Variants in FRMPD4 observed in about 807,000 individuals in gnomAD.
The protein encoded by FRMPD4 is FERM and PDZ domain containing 4.
Under a neutral mutation model 94.1 loss-of-function variants are expected in FRMPD4, and 22 were observed. The ratio of observed to expected loss-of-function variants is 0.23; its 90% CI spans 0.17 to 0.33. The LOEUF (loss-of-function observed/expected upper bound fraction) is 0.33. Among genes scored for constraint, FRMPD4 ranks in the 10% least tolerant of loss-of-function variants. The pLI is 1.00. For synonymous variants in FRMPD4, 631 were observed against 548.6 expected, an observed-to-expected ratio of 1.15 and a Z score of -2.10; for missense variants, 1,111 against 1,339.9, an observed-to-expected ratio of 0.83 and a Z score of 2.67.
At chrX:12,399,871 A>T (rs1337262391) in intron 1 of FRMPD4, among the ~76,000 whole-genome samples, 4 of 111,628 alleles carry the variant, frequency 3.6e-5, no homozygotes, top group Non-Finnish European at 7.5e-5. Flanking sequence ...ATGCTATAAC[A>T]TTACACTTTA....
intron 1 of FRMPD4, among the ~76,000 whole-genome samples, chrX:12,322,650 G>T (rs141993155): frequency 0.013 from 1,435 of 111,017 alleles, 21 homozygotes; most frequent in African/African-American, 0.045. Flanking sequence ...AACCTGTGCT[G>T]CTCTGTAAGG....
chrX:11,894,556 A>G (rs1473843062), intron 3 of FRMPD4, among the ~76,000 whole-genome samples: 2 of 112,403 alleles, frequency 1.8e-5, no homozygotes, highest in Non-Finnish European at 3.8e-5. Flanking sequence ...ATAGAAACCC[A>G]GTGCCCAGGG....
chrX:12,592,856 G>T (rs924782377), intron 2 of FRMPD4, among the ~76,000 whole-genome samples: 2 of 112,091 alleles, frequency 1.8e-5, no homozygotes, highest in African/African-American at 6.5e-5. Flanking sequence ...AGGGATTTTT[G>T]TTGTTTTTCT....
At chrX:11,952,499 A>G (rs1269473396) in intron 3 of FRMPD4, among the ~76,000 whole-genome samples, 2 of 112,014 alleles carry the variant, frequency 1.8e-5, no homozygotes, top group South Asian at 3.7e-4. Flanking sequence ...CCAGAGCCCA[A>G]TTGTAATCTG....
chrX:12,323,313 G>T (rs936752395), intron 1 of FRMPD4, among the ~76,000 whole-genome samples: 1 of 112,376 alleles, frequency 8.9e-6, no homozygotes, highest in Non-Finnish European at 1.9e-5. Flanking sequence ...GGGGCTGGAA[G>T]AATACCCTGT....
chrX:12,657,071 A>G (rs1261589129), intron 4 of FRMPD4, among the ~76,000 whole-genome samples: 1 of 102,562 alleles, frequency 9.8e-6, no homozygotes, highest in Non-Finnish European at 2.0e-5. Flanking sequence ...GGGCAACAAG[A>G]ACAAAACTCC....
At chrX:12,027,904 T>C (rs2054669574) in intron 3 of FRMPD4, among the ~76,000 whole-genome samples, 1 of 112,508 alleles carries the variant, frequency 8.9e-6, no homozygotes, top group East Asian at 2.8e-4. Context: ...TCCTATAAGA[T>C]GGAAGAAGCA....
intron 1 of FRMPD4, among the ~76,000 whole-genome samples, chrX:12,199,451 A>ACTAC (rs755751866): frequency 2.7e-5 from 3 of 111,192 alleles, no homozygotes; most frequent in Non-Finnish European, 3.8e-5. Context: ...AGTTAAGTTC[A>ACTAC]CTACCTTACT....
intron 5 of FRMPD4, among the ~76,000 whole-genome samples, chrX:12,678,135 C>G (rs1734169409): frequency 8.9e-6 from 1 of 111,971 alleles, no homozygotes; most frequent in Non-Finnish European, 1.9e-5. Context: ...ATAAACATTT[C>G]CTATGTCATC....
rs772320860 is a variant in FRMPD4 at position 12,609,789 on chromosome X, C to T, written c.227C>T (p.Pro76Leu). The T allele has an allele frequency of 2.5e-6, 3 of 1,209,053 alleles. No homozygotes were observed. The South Asian group carries it at 5.3e-5, about 21-fold the overall frequency. The change falls in exon 3 of 17, where the codon CCT becomes CTT. Residue 76 changes from proline to leucine, a missense_variant. Physicochemically the swap from Pro to Leu is moderately conservative, Grantham distance 98. Transcript: ENST00000675598. The part of the protein sequence containing the change: ...LESCQIIPPA[P>L]RKVEMRRDPV... ...AGCTGCCAAATCATCCCTCCGGCTC[C>T]TCGGAAGGTGGAGATGAGAAGGGAC... is the stretch of plus-strand genomic sequence containing the variant.
chrX:12,681,155 G>C (rs1209684400), intron 5 of FRMPD4, among the ~76,000 whole-genome samples: 1 of 111,911 alleles, frequency 8.9e-6, no homozygotes, highest in East Asian at 2.8e-4. Context: ...AGTGAGGTGT[G>C]ACTGCATTAA....
At chrX:12,304,099 T>A (rs188167720) in intron 1 of FRMPD4, among the ~76,000 whole-genome samples, 18 of 111,558 alleles carry the variant, frequency 1.6e-4, no homozygotes, top group Non-Finnish European at 3.0e-4. Flanking sequence ...GAATATGACA[T>A]GATTGATTTA....
intron 2 of FRMPD4, among the ~76,000 whole-genome samples, chrX:12,589,341 C>T (rs1209241702): frequency 9.0e-6 from 1 of 111,646 alleles, no homozygotes; most frequent in Non-Finnish European, 1.9e-5. Context: ...CATTCAATCA[C>T]TTACTAATAA....
rs766592787 is a variant in FRMPD4, at chrX:12,609,613, ACT to A, written c.159-103_159-102del. ...CTATGGGTCTCCCCAGATCTTTCTC[ACT>A]CTCTACCAAAAAACAGGTTTTGAAA... On this transcript the variant is annotated intron_variant, in intron 2 of 16. Coordinates refer to ENST00000675598, the MANE Select transcript of FRMPD4 (RefSeq NM_001368397.1). 1.7e-3 allele frequency: 1,161 copies of A among 673,622 alleles called. 3 individuals carry two copies. Among genetic ancestry groups the A allele is most frequent in the Middle Eastern group, 8.3e-3 (26 of 3,148 alleles). The allele number at this position is 673,622 out of a possible 1,213,427, so 55.5% of individuals were successfully genotyped here.
At chrX:12,106,577 C>T (rs1239712326) in intron 3 of FRMPD4, among the ~76,000 whole-genome samples, 5 of 111,238 alleles carry the variant, frequency 4.5e-5, no homozygotes, top group African/African-American at 1.6e-4. Context: ...GTGCAGCCCA[C>T]CGAGCATGAG....
At chrX:12,100,983 G>T (rs765375771) in intron 3 of FRMPD4, among the ~76,000 whole-genome samples, 1 of 112,048 alleles carries the variant, frequency 8.9e-6, no homozygotes, top group Non-Finnish European at 1.9e-5. Flanking sequence ...TCTTACAAAC[G>T]TATTTAAGAA....
At chrX:12,555,916 A>G (rs1453190835) in intron 2 of FRMPD4, among the ~76,000 whole-genome samples, 1 of 110,936 alleles carries the variant, frequency 9.0e-6, no homozygotes, top group Non-Finnish European at 1.9e-5. Context: ...CTTTCTTTTT[A>G]TTTTTTAGTG....
intron 4 of FRMPD4, among the ~76,000 whole-genome samples, chrX:12,674,626 C>T (rs1487313684): frequency 8.9e-6 from 1 of 111,786 alleles, no homozygotes; most frequent in Non-Finnish European, 1.9e-5. Context: ...ATAATATTGC[C>T]CAATGTAAAC....
chrX:12,441,496 T>C (rs1383036830), intron 1 of FRMPD4, among the ~76,000 whole-genome samples: 1 of 111,481 alleles, frequency 9.0e-6, no homozygotes, highest in Non-Finnish European at 1.9e-5. Context: ...AAAAGGATCC[T>C]CTAGTATCAC....
Sources: allele counts gnomAD v4.1 joint callset (sites outside exome capture counted in the v4.1 genomes callset), GRCh38; gene constraint gnomAD v4.1.1; transcripts MANE v1.5; gene names NCBI Gene and HGNC (gene_info 2026-07-23, HGNC 2026-07-21).